PHF24: variants seen among roughly 807,000 people sequenced by gnomAD.
PHF24 encodes Galpha inhibitory interacting protein.
A neutral mutation model predicts 42.6 loss-of-function variants in PHF24; 25 were observed. The observed-to-expected ratio is 0.59, with a 90% CI of 0.43 to 0.82. The LOEUF (loss-of-function observed/expected upper bound fraction) is 0.82. Ranked by LOEUF, PHF24 falls within the 40% of genes least tolerant of loss-of-function variation. The pLI is 0.00. For missense variants in PHF24, 470 were observed against 538.1 expected (o/e 0.87, Z 1.25); for synonymous variants, 185 against 204.8 (o/e 0.90, Z 0.83).
the PHF24 span, among the ~76,000 whole-genome samples, chr9:34,707,401 C>T: frequency 6.6e-6 from 1 of 152,192 alleles, no homozygotes; most frequent in Non-Finnish European, 1.5e-5. Context: ...GGTGGGATCC[C>T]ACAAGAGTGC....
the PHF24 span, among the ~76,000 whole-genome samples, chr9:34,942,483 A>G: frequency 6.6e-6 from 1 of 152,224 alleles, no homozygotes; most frequent in African/African-American, 2.4e-5. Context: ...CATGCTATCA[A>G]TGAAATGGAT....
chr9:34,703,282 C>T, the PHF24 span, among the ~76,000 whole-genome samples: 2 of 152,086 alleles, frequency 1.3e-5, no homozygotes, highest in African/African-American at 2.4e-5. Context: ...AATTCTCCTG[C>T]CTCAGCCTCC....
At chr9:34,715,895 T>TCAG in the PHF24 span, among the ~76,000 whole-genome samples, 1 of 152,186 alleles carries the variant, frequency 6.6e-6, no homozygotes, top group South Asian at 2.1e-4. Context: ...CCCTTCAGTC[T>TCAG]CAGGCCCGTT....
chr9:34,959,216 A>G (rs1826504595), intron 1 of PHF24, among the ~76,000 whole-genome samples: 1 of 152,240 alleles, frequency 6.6e-6, no homozygotes, highest in Non-Finnish European at 1.5e-5. Flanking sequence ...GGAAGGAAGC[A>G]GTAAGATCAG....
chr9:34,763,791 T>G, the PHF24 span, among the ~76,000 whole-genome samples: 3 of 152,054 alleles, frequency 2.0e-5, no homozygotes, highest in Non-Finnish European at 4.4e-5. Flanking sequence ...TCAAAGGGAG[T>G]GCTTCCAGTT....
At chr9:34,804,196 T>C in the PHF24 span, among the ~76,000 whole-genome samples, 1 of 152,218 alleles carries the variant, frequency 6.6e-6, no homozygotes, top group Non-Finnish European at 1.5e-5. Flanking sequence ...TCAAATTTGT[T>C]TGAATTGGGT....
chr9:34,819,399 G>A, the PHF24 span, among the ~76,000 whole-genome samples: 43 of 151,664 alleles, frequency 2.8e-4, no homozygotes, highest in Admixed American at 1.1e-3. Flanking sequence ...CTTTAATATC[G>A]GTATTTATTG....
At chr9:34,803,813 A>T in the PHF24 span, among the ~76,000 whole-genome samples, 1 of 152,218 alleles carries the variant, frequency 6.6e-6, no homozygotes, top group African/African-American at 2.4e-5. Flanking sequence ...CTTGAGAAAG[A>T]ACACTAAATA....
At chr9:34,778,823 C>A in the PHF24 span, among the ~76,000 whole-genome samples, 1 of 152,112 alleles carries the variant, frequency 6.6e-6, no homozygotes, top group Non-Finnish European at 1.5e-5. Context: ...CATTCTTTCC[C>A]AGTGCACCTG....
the PHF24 span, among the ~76,000 whole-genome samples, chr9:34,774,354 G>A: frequency 6.6e-6 from 1 of 152,132 alleles, no homozygotes; most frequent in Non-Finnish European, 1.5e-5. Flanking sequence ...TATCTGATGA[G>A]GGATTGCTAT....
At chr9:34,879,020 G>A in the PHF24 span, among the ~76,000 whole-genome samples, 2 of 152,158 alleles carry the variant, frequency 1.3e-5, no homozygotes, top group African/African-American at 4.8e-5. Context: ...TCCAGAGGAA[G>A]GATCAGGTGG....
chr9:34,944,287 A>C, the PHF24 span, among the ~76,000 whole-genome samples: 1 of 152,220 alleles, frequency 6.6e-6, no homozygotes, highest in African/African-American at 2.4e-5. Flanking sequence ...CTGCTTGATG[A>C]AGCACCCTCA....
chr9:34,946,012 T>C, the PHF24 span, among the ~76,000 whole-genome samples: 1 of 152,218 alleles, frequency 6.6e-6, no homozygotes, highest in Non-Finnish European at 1.5e-5. Context: ...GAACAGTCGA[T>C]GGAAAGTGTG....
chr9:34,918,065 C>T, the PHF24 span: 2 of 1,425,516 alleles, frequency 1.4e-6, no homozygotes, highest in Non-Finnish European at 2.0e-6. Flanking sequence ...TGGACAAGGC[C>T]CGACACCTAA....
the PHF24 span, among the ~76,000 whole-genome samples, chr9:34,697,422 C>T: frequency 4.8e-4 from 73 of 152,250 alleles, no homozygotes; most frequent in South Asian, 8.3e-4. Context: ...TGGGTTCAAG[C>T]GATTCTCTTG....
chr9:34,831,641 T>C, the PHF24 span, among the ~76,000 whole-genome samples: 2 of 152,160 alleles, frequency 1.3e-5, no homozygotes, highest in African/African-American at 4.8e-5. Context: ...TCTATTCTCA[T>C]GTCCTGGTCA....
At chr9:34,828,581 C>A in the PHF24 span, among the ~76,000 whole-genome samples, 1 of 152,142 alleles carries the variant, frequency 6.6e-6, no homozygotes, top group Non-Finnish European at 1.5e-5. Flanking sequence ...GAATCCACTC[C>A]CATCACACCT....
chr9:34,860,394 A>G, the PHF24 span, among the ~76,000 whole-genome samples: 1 of 152,164 alleles, frequency 6.6e-6, no homozygotes. Context: ...ATTTATTCCT[A>G]TATATTTTAT....
the PHF24 span, among the ~76,000 whole-genome samples, chr9:34,740,876 C>T: frequency 6.6e-6 from 1 of 151,628 alleles, no homozygotes; most frequent in Non-Finnish European, 1.5e-5. Flanking sequence ...AGTGTCCTCT[C>T]TTTCTCTCTC....
Sources: gnomAD v4.1 joint callset for allele counts (sites outside exome capture counted in the v4.1 genomes callset) on GRCh38, gnomAD v4.1.1 for gene constraint, MANE v1.5 for transcripts, NCBI Gene and HGNC (gene_info 2026-07-23, HGNC 2026-07-21) for gene names.